PPP1R3D: variants seen among roughly 807,000 people sequenced by gnomAD.
PPP1R3D encodes the protein protein phosphatase 1 regulatory subunit 3D, also known as PP1 subunit R6.
PPP1R3D carries 27 observed loss-of-function variants against 16.3 expected under a neutral mutation model. The observed-to-expected ratio is 1.66, with a 90% CI of 1.22 to 2.29. PPP1R3D has a LOEUF of 2.29. Ranked by LOEUF, PPP1R3D falls within the 30% of genes most tolerant of loss-of-function variation. The pLI is 0.00. For missense variants in PPP1R3D, 472 were observed against 438.3 expected (o/e 1.08, Z -0.69); for synonymous variants, 223 against 209.7 (o/e 1.06, Z -0.55).
At position 59,939,211 on chromosome 20, in the gene PPP1R3D, G is replaced by C. The variant is rs1489259362; in HGVS notation, c.721C>G (p.Pro241Ala). ...AGCTCCAGCAGGAAGGGCGGTACTG[G>C]AAAGCCGAAGGTGAAAACGTCCTCC... The part of the protein sequence containing the change: ...GTEDVFTFGF[P>A]VPPFLLELGS... Residue 241 changes from proline to alanine, a missense_variant, in exon 1 of 1, where the codon CCA (proline) becomes GCA (alanine). Transcript: ENST00000370996. The C allele has an allele frequency of 1.2e-6, 2 of 1,610,412 alleles. No homozygotes were observed. Among genetic ancestry groups the C allele is most frequent in the Admixed American group, 1.7e-5 (1 of 59,878 alleles).
At position 59,939,013 on chromosome 20, in the gene PPP1R3D, T is replaced by G; in HGVS notation, c.*19A>C. 1.3e-6 allele frequency: 2 copies of G among 1,492,822 alleles called. No individual in the cohort carries two copies. Among genetic ancestry groups the G allele is most frequent in the Non-Finnish European group, 1.8e-6 (2 of 1,124,782 alleles). 92.5% of individuals were successfully genotyped at this position (1,492,822 alleles called of 1,614,324 possible). On this transcript the variant is annotated 3_prime_UTR_variant, in exon 1 of 1. Transcript: ENST00000370996. ...GCAGCTTAGGTGTGGAGGCTCCAGG[T>G]GGCCGGTCCCCGCGCGGCTCAGATG...
rs759733398 is a variant in PPP1R3D, at chr20:59,939,191, C to T, written c.741G>A (p.Leu247=). 9 of 1,609,046 alleles carry T rather than the reference C, an allele frequency of 5.6e-6. No homozygotes were observed. Among genetic ancestry groups the T allele is most frequent in the Non-Finnish European group, 5.9e-6 (7 of 1,176,564 alleles). ...TFGFPVPPFL[L]ELGSRVHFAV... is the part of the protein sequence containing the mutation. ...CGAAGTGCACGCGGGAGCCGAGCTC[C>T]AGCAGGAAGGGCGGTACTGGAAAGC... Residue 247 remains leucine, a synonymous_variant, in exon 1 of 1, where the codon CTG becomes CTA. Transcript: ENST00000370996.
chr20:59,938,992 C>G lies in PPP1R3D; in HGVS notation c.*40G>C. On this transcript the variant is annotated 3_prime_UTR_variant, in exon 1 of 1. Coordinates refer to ENST00000370996, the MANE Select transcript of PPP1R3D (RefSeq NM_006242.4). ...AGCAGGGAAATGACAGGAGGCGCAGCTTAGGTGTGGAGGCTCCAGGTGGCC... is the reference window on the plus strand; with the variant it reads ...AGCAGGGAAATGACAGGAGGCGCAGGTTAGGTGTGGAGGCTCCAGGTGGCC... 3 of 1,470,054 alleles carry G rather than the reference C, an allele frequency of 2.0e-6. No individual in the cohort carries two copies. The highest frequency in any genetic ancestry group is 2.7e-6 in the Non-Finnish European group (3 of 1,114,646). The allele number at this position is 1,470,054 out of a possible 1,614,324, so 91.1% of individuals were successfully genotyped here.
In PPP1R3D at chr20:59,937,118, C is replaced by T. The variant is rs1164183764; in HGVS notation, c.*1914G>A. 4 of 152,614 alleles carry T rather than the reference C, an allele frequency of 2.6e-5. No individual in the cohort carries two copies. The highest frequency in any genetic ancestry group is 5.9e-5 in the Non-Finnish European group (4 of 68,046). The allele number at this position is 152,614 out of a possible 1,614,324, so 9.5% of individuals were successfully genotyped here. A position where few individuals can be genotyped will look rare whatever the true frequency, so the allele number is the denominator to read the frequency against. ...AAATATATAACATTCACTTTCATAA[C>T]CAAAACCTTTTTGGCAAGTGACTTT... On this transcript the variant is annotated 3_prime_UTR_variant, in exon 1 of 1. Transcript: ENST00000370996.
chr20:59,939,258 C>G lies in PPP1R3D; in HGVS notation c.674G>C (p.Gly225Ala). 6.2e-7 allele frequency: 1 copy of G among 1,610,868 alleles called. No individual in the cohort carries two copies. Among genetic ancestry groups the G allele is most frequent in the Non-Finnish European group, 8.5e-7 (1 of 1,178,604 alleles). Residue 225 changes from glycine (G) to alanine (A), a missense_variant, in exon 1 of 1, where the codon GGG (glycine) becomes GCG (alanine). Physicochemically the swap from Gly to Ala is moderately conservative, Grantham distance 60 (BLOSUM62 0). Coordinates refer to ENST00000370996, the MANE Select transcript of PPP1R3D (RefSeq NM_006242.4). ...STHEAVARWR[G>A]PAGPEGTEDV... ...CTCCGTGCCCTCGGGGCCTGCGGGC[C>G]CGCGCCACCGCGCCACCGCCTCGTG...
In PPP1R3D at chr20:59,939,246, G is replaced by C. The variant is rs759821423; in HGVS notation, c.686C>G (p.Pro229Arg). 1 of 1,611,548 alleles carries C rather than the reference G, an allele frequency of 6.2e-7. No individual in the cohort carries two copies. Among genetic ancestry groups the C allele is most frequent in the Admixed American group, 1.7e-5 (1 of 59,918 alleles). Residue 229 changes from proline (P) to arginine (R), a missense_variant, in exon 1 of 1, where the codon CCC becomes CGC. Transcript: ENST00000370996. ...AVARWRGPAG[P>R]EGTEDVFTFG... ...GGTGAAAACGTCCTCCGTGCCCTCG[G>C]GGCCTGCGGGCCCGCGCCACCGCGC...
Position 59,939,526 on chromosome 20 carries a change from CG to C in PPP1R3D, c.405del (p.Ala136GlnfsTer203), listed in dbSNP as rs2060885198. The C allele has an allele frequency of 3.7e-6, 6 of 1,611,806 alleles. No individual in the cohort carries two copies. In the African/African-American group the frequency reaches 8.0e-5, roughly 22 times the overall value. On this transcript the variant is annotated frameshift_variant, in exon 1 of 1. Coordinates refer to ENST00000370996, the MANE Select transcript of PPP1R3D (RefSeq NM_006242.4). LOFTEE classifies it high-confidence loss of function. ...CTGCAGCACAGGTCCGAGTTGATTG[CG>C]AGCCGCGACAGCACGTGCAGCGGCA... ...PSVPLHVLSR[L>X]AINSDLCCSS...
At position 59,939,140 on chromosome 20, in the gene PPP1R3D, G is replaced by T. The variant is rs146169621; in HGVS notation, c.792C>A (p.Ala264=). The T allele has an allele frequency of 6.2e-7, 1 of 1,607,496 alleles. No individual in the cohort carries two copies. The highest frequency in any genetic ancestry group is 2.2e-5 in the East Asian group (1 of 44,718). The change falls in exon 1 of 1, where the codon GCC becomes GCA. Residue 264 remains alanine (A), a synonymous_variant. Transcript: ENST00000370996. ...GGTGGTCGTTGTTGTCCCAGTACTC[G>T]GCACCCGCCACTTGGTAGCGCACCG... is the stretch of plus-strand genomic sequence containing the variant. ...HFAVRYQVAG[A]EYWDNNDHRD...
In PPP1R3D at chr20:59,938,475, T is replaced by C. The variant is rs1222144706; in HGVS notation, c.*557A>G. The C allele has an allele frequency of 2.0e-5, 3 of 152,464 alleles. No homozygotes were observed. Among genetic ancestry groups the C allele is most frequent in the Admixed American group, 6.5e-5 (1 of 15,284 alleles). 9.4% of individuals were successfully genotyped at this position (152,464 alleles called of 1,614,324 possible). A position where few individuals can be genotyped will look rare whatever the true frequency, so the allele number is the denominator to read the frequency against. ...CAGCCGTTGGCAATCAGATGTGGGC[T>C]CAGGTTTTCCTTATCCTGGGGCAGG... On this transcript the variant is annotated 3_prime_UTR_variant, in exon 1 of 1. Transcript: ENST00000370996.
Position 59,939,263 on chromosome 20 carries a change from C to A in PPP1R3D, c.669G>T (p.Trp223Cys), listed in dbSNP as rs751269159. The A allele has an allele frequency of 1.2e-6, 2 of 1,611,554 alleles. No homozygotes were observed. The highest frequency in any genetic ancestry group is 3.3e-5 in the Admixed American group (2 of 59,924). The change falls in exon 1 of 1, where the codon TGG becomes TGT. Residue 223 changes from tryptophan to cysteine, a missense_variant. Coordinates refer to ENST00000370996, the MANE Select transcript of PPP1R3D (RefSeq NM_006242.4). Reference sequence around the variant, plus strand: ...TGCCCTCGGGGCCTGCGGGCCCGCGCCACCGCGCCACCGCCTCGTGGGTAC... The same window carrying A: ...TGCCCTCGGGGCCTGCGGGCCCGCGACACCGCGCCACCGCCTCGTGGGTAC... ...WRSTHEAVAR[W>C]RGPAGPEGTE...
Position 59,939,175 on chromosome 20 carries a change from CGCGGGAGCCGAGCTCCAGCAG to C in PPP1R3D, c.736_756del (p.Leu246_Arg252del). Reference sequence around the variant, plus strand: ...ACTTGGTAGCGCACCGCGAAGTGCACGCGGGAGCCGAGCTCCAGCAGGAAGGGCGGTACTGGAAAGCCGAAG... The same window carrying C: ...ACTTGGTAGCGCACCGCGAAGTGCACGAAGGGCGGTACTGGAAAGCCGAAG... On this transcript the variant is annotated inframe_deletion, in exon 1 of 1. Transcript: ENST00000370996. 6.2e-7 allele frequency: 1 copy of C among 1,609,724 alleles called. No homozygotes were observed. Among genetic ancestry groups the C allele is most frequent in the South Asian group, 1.1e-5 (1 of 90,988 alleles).
rs1334778776 is a variant in PPP1R3D, at chr20:59,939,084, G to A, written c.848C>T (p.Ala283Val). The A allele has an allele frequency of 6.9e-6, 11 of 1,589,848 alleles. No homozygotes were observed. Among genetic ancestry groups the A allele is most frequent in the Non-Finnish European group, 8.5e-6 (10 of 1,171,628 alleles). The change falls in exon 1 of 1, where the codon GCG (alanine) becomes GTG (valine). Residue 283 changes from alanine to valine, a missense_variant. Ala to Val is a moderately conservative substitution (Grantham distance 64). Coordinates refer to ENST00000370996, the MANE Select transcript of PPP1R3D (RefSeq NM_006242.4). Reference sequence around the variant, plus strand: ...GCACTCCCCGCGAGGCATGTGCAGCGCGTGGTTGCGACATGTGAGGCTGTA... The same window carrying A: ...GCACTCCCCGCGAGGCATGTGCAGCACGTGGTTGCGACATGTGAGGCTGTA... ...RDYSLTCRNH[A>V]LHMPRGECEE...
In PPP1R3D at chr20:59,939,349, C is replaced by A; in HGVS notation, c.583G>T (p.Val195Leu). 6.2e-7 allele frequency: 1 copy of A among 1,611,056 alleles called. No homozygotes were observed. The highest frequency in any genetic ancestry group is 1.1e-5 in the South Asian group (1 of 91,040). ...SDLGISGTVR[V>L]CNVAFEKQVA... ...TGCTTCTCGAAGGCCACGTTGCACA[C>A]GCGCACCGTACCGCTGATGCCAAGG... is the stretch of plus-strand genomic sequence containing the variant. The change falls in exon 1 of 1, where the codon GTG becomes TTG. Residue 195 changes from valine (V) to leucine (L), a missense_variant. Transcript: ENST00000370996.
At position 59,938,991 on chromosome 20, in the gene PPP1R3D, G is replaced by GCTTA. The variant is rs1444711170; in HGVS notation, c.*37_*40dup. 6.8e-7 allele frequency: 1 copy of GCTTA among 1,468,996 alleles called. No individual in the cohort carries two copies. The highest frequency in any genetic ancestry group is 1.4e-5 in the African/African-American group (1 of 71,040). 91.0% of individuals were successfully genotyped at this position (1,468,996 alleles called of 1,614,324 possible). Reference sequence around the variant, plus strand: ...CAGCAGGGAAATGACAGGAGGCGCAGCTTAGGTGTGGAGGCTCCAGGTGGC... The same window carrying GCTTA: ...CAGCAGGGAAATGACAGGAGGCGCAGCTTACTTAGGTGTGGAGGCTCCAGGTGGC... On this transcript the variant is annotated 3_prime_UTR_variant, in exon 1 of 1. Transcript: ENST00000370996.
rs2060875628 is a variant in PPP1R3D at position 59,938,535 on chromosome 20, T to C, written c.*497A>G. 6.6e-6 allele frequency: 1 copy of C among 152,652 alleles called. No homozygotes were observed. Among genetic ancestry groups the C allele is most frequent in the African/African-American group, 2.4e-5 (1 of 41,440 alleles). 9.5% of individuals were successfully genotyped at this position (152,652 alleles called of 1,614,324 possible). A position where few individuals can be genotyped will look rare whatever the true frequency, so the allele number is the denominator to read the frequency against. On this transcript the variant is annotated 3_prime_UTR_variant, in exon 1 of 1. Transcript: ENST00000370996. Reference sequence around the variant, plus strand: ...AGGGACCACGATGTGGGTCACACTGTACATTCTGTTTACTGTGGGCACAAA... The same window carrying C: ...AGGGACCACGATGTGGGTCACACTGCACATTCTGTTTACTGTGGGCACAAA...
In PPP1R3D at chr20:59,939,610, C is replaced by G; in HGVS notation, c.322G>C (p.Ala108Pro). 6.3e-7 allele frequency: 1 copy of G among 1,591,158 alleles called. No individual in the cohort carries two copies. Among genetic ancestry groups the G allele is most frequent in the African/African-American group, 1.4e-5 (1 of 73,168 alleles). Residue 108 changes from alanine (A) to proline (P), a missense_variant, in exon 1 of 1, where the codon GCC (alanine) becomes CCC (proline). Physicochemically the swap from Ala to Pro is conservative, Grantham distance 27. Coordinates refer to ENST00000370996, the MANE Select transcript of PPP1R3D (RefSeq NM_006242.4). ...ACCTGTGCCAGCTCCAAGCCCAGGGCGTCGGCGAAGCGCACGCGGAGCTTC... is the reference window on the plus strand; with the variant it reads ...ACCTGTGCCAGCTCCAAGCCCAGGGGGTCGGCGAAGCGCACGCGGAGCTTC... ...SQKLRVRFAD[A>P]LGLELAQVKV...
In PPP1R3D at chr20:59,939,738, C is replaced by T. The variant is rs1215607255; in HGVS notation, c.194G>A (p.Arg65Gln). 1.1e-5 allele frequency: 14 copies of T among 1,246,358 alleles called. No homozygotes were observed. The East Asian group carries it at 2.9e-4, about 26-fold the overall frequency. The allele number at this position is 1,246,358 out of a possible 1,614,324, so 77.2% of individuals were successfully genotyped here. A position where few individuals can be genotyped will look rare whatever the true frequency, so the allele number is the denominator to read the frequency against. ...PAPSGCDPRL[R>Q]PIILRRARSL... is the part of the protein sequence containing the mutation. Reference sequence around the variant, plus strand: ...GCGCGCCCGCCGCAGGATGATGGGCCGCAGGCGGGGGTCGCAGCCCGACGG... The same window carrying T: ...GCGCGCCCGCCGCAGGATGATGGGCTGCAGGCGGGGGTCGCAGCCCGACGG... Residue 65 changes from arginine (R) to glutamine (Q), a missense_variant, in exon 1 of 1, where the codon CGG becomes CAG. Coordinates refer to ENST00000370996, the MANE Select transcript of PPP1R3D (RefSeq NM_006242.4).
At position 59,940,141 on chromosome 20, in the gene PPP1R3D, G is replaced by GT. The variant is rs1273850078; in HGVS notation, c.-211dup. The GT allele has an allele frequency of 9.7e-6, 4 of 411,286 alleles. No homozygotes were observed. Among genetic ancestry groups the GT allele is most frequent in the African/African-American group, 6.2e-5 (3 of 48,508 alleles). 25.5% of individuals were successfully genotyped at this position (411,286 alleles called of 1,614,324 possible). On this transcript the variant is annotated 5_prime_UTR_variant, in exon 1 of 1. Coordinates refer to ENST00000370996, the MANE Select transcript of PPP1R3D (RefSeq NM_006242.4). ...TCCGCTTCTTGCGGTTAAAGAAATTGTAAGAGTGGGGAGTTTTTCTCTAGT... is the reference window on the plus strand; with the variant it reads ...TCCGCTTCTTGCGGTTAAAGAAATTGTTAAGAGTGGGGAGTTTTTCTCTAGT...
At position 59,939,298 on chromosome 20, in the gene PPP1R3D, C is replaced by T. The variant is rs768527882; in HGVS notation, c.634G>A (p.Gly212Ser). ...ACCGCCTCGTGGGTACTGCGCCAGC[C>T]CGAGAAAGTGTAGCGCACAGCCACC... Reference protein sequence around the residue: ...KQVAVRYTFSGWRSTHEAVAR... With the variant: ...KQVAVRYTFSSWRSTHEAVAR... Residue 212 changes from glycine to serine, a missense_variant, in exon 1 of 1, where the codon GGC becomes AGC. Coordinates refer to ENST00000370996, the MANE Select transcript of PPP1R3D (RefSeq NM_006242.4). 6.2e-7 allele frequency: 1 copy of T among 1,612,332 alleles called. No individual in the cohort carries two copies. The highest frequency in any genetic ancestry group is 8.5e-7 in the Non-Finnish European group (1 of 1,179,800).
Sources: allele counts gnomAD v4.1 joint callset, GRCh38; gene constraint gnomAD v4.1.1; transcripts MANE v1.5; gene names NCBI Gene and HGNC (gene_info 2026-07-23, HGNC 2026-07-21).